The following SPMIP2 variants were observed in gnomAD, a reference collection of about 807,000 sequenced individuals.
SPMIP2 encodes the protein protein SPMIP2.
chr4:158,988,133 A>G, the SPMIP2 span, among the ~76,000 whole-genome samples: 1 of 152,220 alleles, frequency 6.6e-6, no homozygotes, highest in Non-Finnish European at 1.5e-5. Context: ...AATAAACTAG[A>G]AAATCTAGAA....
the SPMIP2 span, among the ~76,000 whole-genome samples, chr4:158,926,096 C>G: frequency 7.2e-5 from 11 of 152,258 alleles, no homozygotes; most frequent in East Asian, 2.1e-3. Flanking sequence ...AACATTCAGA[C>G]CGTAGCAATC....
At chr4:158,948,297 G>C in the SPMIP2 span, among the ~76,000 whole-genome samples, 5 of 151,780 alleles carry the variant, frequency 3.3e-5, no homozygotes, top group Admixed American at 6.6e-5. Context: ...CTGCCTCTTG[G>C]GGGGAAAAAA....
At chr4:159,032,653 T>C in the SPMIP2 span, among the ~76,000 whole-genome samples, 2 of 152,172 alleles carry the variant, frequency 1.3e-5, no homozygotes, top group Non-Finnish European at 2.9e-5. Flanking sequence ...AGGAGATTTA[T>C]TGGCTGATGA....
the SPMIP2 span, among the ~76,000 whole-genome samples, chr4:159,001,794 C>T: frequency 6.6e-6 from 1 of 152,176 alleles, no homozygotes; most frequent in African/African-American, 2.4e-5. Flanking sequence ...GTGAGTAGTG[C>T]TGCAATGAAC....
At chr4:158,940,678 C>T in the SPMIP2 span, among the ~76,000 whole-genome samples, 9 of 150,908 alleles carry the variant, frequency 6.0e-5, no homozygotes, top group African/African-American at 1.9e-4. Context: ...TCTTATTTAC[C>T]GTTTTCAAAA....
At chr4:158,905,387 A>C in the SPMIP2 span, 1 of 152,192 alleles carries the variant, frequency 6.6e-6, no homozygotes, top group South Asian at 2.1e-4. Flanking sequence ...AGTTATTTCT[A>C]TAAGCTCAAG....
chr4:158,946,852 G>A, the SPMIP2 span, among the ~76,000 whole-genome samples: 1 of 152,186 alleles, frequency 6.6e-6, no homozygotes, highest in African/African-American at 2.4e-5. Context: ...AACTGTGTCT[G>A]TCTTGTTCAC....
chr4:159,015,283 CAATTCCTTTACTGAAGGAAAGGAAA>C, the SPMIP2 span, among the ~76,000 whole-genome samples: 1 of 152,132 alleles, frequency 6.6e-6, no homozygotes, highest in African/African-American at 2.4e-5. Context: ...GTTATGAAAA[CAATTCCTTTACTGAAGGAAAGGAAA>C]AATGCAGTGC....
At chr4:158,964,078 C>T in the SPMIP2 span, among the ~76,000 whole-genome samples, 1 of 151,890 alleles carries the variant, frequency 6.6e-6, no homozygotes. Context: ...TGGCCTGAAC[C>T]CGGGAGGCGG....
the SPMIP2 span, among the ~76,000 whole-genome samples, chr4:159,021,646 T>C: frequency 6.6e-6 from 1 of 152,212 alleles, no homozygotes; most frequent in African/African-American, 2.4e-5. Context: ...TTACTGCAAA[T>C]CCTGATTTCT....
At chr4:159,017,356 T>TACACACACAC in the SPMIP2 span, among the ~76,000 whole-genome samples, 2,525 of 149,396 alleles carry the variant, frequency 0.017, 26 homozygotes, top group South Asian at 0.038. Flanking sequence ...CACAAACACA[T>TACACACACAC]ACACACACAC....
the SPMIP2 span, among the ~76,000 whole-genome samples, chr4:158,956,689 G>C: frequency 6.6e-6 from 1 of 152,186 alleles, no homozygotes; most frequent in Non-Finnish European, 1.5e-5. Context: ...TTAAGATATT[G>C]TTAAATCTGC....
chr4:158,991,567 A>G, the SPMIP2 span, among the ~76,000 whole-genome samples: 1 of 152,188 alleles, frequency 6.6e-6, no homozygotes. Context: ...ACAGCTTCCT[A>G]ATCACCATCA....
the SPMIP2 span, among the ~76,000 whole-genome samples, chr4:158,918,238 G>A: frequency 1.3e-5 from 2 of 152,304 alleles, no homozygotes; most frequent in Admixed American, 1.3e-4. Context: ...GTGACAGGAA[G>A]GGCGCCTGCC....
the SPMIP2 span, among the ~76,000 whole-genome samples, chr4:158,917,179 G>A: frequency 2.0e-5 from 3 of 152,186 alleles, no homozygotes; most frequent in Non-Finnish European, 4.4e-5. Flanking sequence ...GAACCCAGGA[G>A]GTAGAGGTTG....
chr4:159,081,039 T>TC, the SPMIP2 span, among the ~76,000 whole-genome samples: 1,189 of 28,118 alleles, frequency 0.042, 22 homozygotes, highest in African/African-American at 0.13. Context: ...TTTCTTTCTC[T>TC]TTTTTTTTTT....
the SPMIP2 span, among the ~76,000 whole-genome samples, chr4:158,923,016 G>C: frequency 2.0e-5 from 3 of 152,158 alleles, no homozygotes; most frequent in Admixed American, 2.0e-4. Context: ...TTGTCAAAAA[G>C]ACTATTTTAA....
At chr4:159,072,120 C>T in the SPMIP2 span, among the ~76,000 whole-genome samples, 1 of 152,208 alleles carries the variant, frequency 6.6e-6, no homozygotes, top group African/African-American at 2.4e-5. Context: ...TTGAGACCAG[C>T]CTGGGCAACA....
chr4:158,948,215 G>A, the SPMIP2 span, among the ~76,000 whole-genome samples: 973 of 152,164 alleles, frequency 6.4e-3, 10 homozygotes, highest in African/African-American at 0.021. Context: ...CCCTTGTTGG[G>A]TACCTTGGTT....
Sources: allele counts gnomAD v4.1 joint callset (sites outside exome capture counted in the v4.1 genomes callset), GRCh38; gene constraint gnomAD v4.1.1; transcripts MANE v1.5; gene names NCBI Gene and HGNC (gene_info 2026-07-23, HGNC 2026-07-21).